NEDD4: variants seen among roughly 807,000 people sequenced by gnomAD.
NEDD4 encodes the protein NEDD4 E3 ubiquitin protein ligase.
A neutral mutation model predicts 144.9 loss-of-function variants in NEDD4; 99 were observed. That is an observed-to-expected ratio of 0.68 (90% CI 0.58 to 0.81). The LOEUF is 0.81. NEDD4 is among the 30% of genes least tolerant of loss of function. The pLI is 0.00. For missense variants in NEDD4, 985 were observed against 1,065.9 expected (o/e 0.92, Z 1.06); for synonymous variants, 318 against 350.6 (o/e 0.91, Z 1.04).
At chr15:55,873,132 T>C (rs1350750459) in intron 6 of NEDD4, among the ~76,000 whole-genome samples, 2 of 152,188 alleles carry the variant, frequency 1.3e-5, no homozygotes, top group East Asian at 3.8e-4. Flanking sequence ...TTGGCTCTTT[T>C]CCTGTTTCCC....
At position 55,842,086 on chromosome 15, in the gene NEDD4, A is replaced by C; in HGVS notation, c.1686T>G (p.Gly562=). ...VLEDSYRRIM[G]VKRADFLKAR... The stretch of plus-strand genomic sequence containing the variant: ...CCTTCAGGAAGTCTGCTCTCTTGAC[A>C]CCCATAATTCTCCGGTAAGAGTCTT... Residue 562 remains glycine (G), a synonymous_variant, in exon 19 of 29, where the codon GGT becomes GGG. Coordinates refer to ENST00000435532, the MANE Select transcript of NEDD4 (RefSeq NM_006154.4). The C allele has an allele frequency of 1.2e-6, 2 of 1,614,168 alleles. No individual in the cohort carries two copies. Among genetic ancestry groups the C allele is most frequent in the Non-Finnish European group, 8.5e-7 (1 of 1,180,032 alleles).
chr15:55,986,089 T>C (rs2037885898), intron 1 of NEDD4, among the ~76,000 whole-genome samples: 1 of 152,164 alleles, frequency 6.6e-6, no homozygotes, highest in Non-Finnish European at 1.5e-5. Flanking sequence ...CAGTAACTGA[T>C]TACAACCTGC....
At chr15:55,972,762 A>G (rs1166991276) in intron 1 of NEDD4, among the ~76,000 whole-genome samples, 1 of 152,248 alleles carries the variant, frequency 6.6e-6, no homozygotes, top group African/African-American at 2.4e-5. Context: ...TCACCTATAA[A>G]GACACACATA....
chr15:55,862,744 CG>C (rs2034452168), intron 9 of NEDD4, among the ~76,000 whole-genome samples, 168 bp downstream of exon 9: 1 of 151,986 alleles, frequency 6.6e-6, no homozygotes, highest in African/African-American at 2.4e-5. Flanking sequence ...ATTTAAAAAA[CG>C]AAACAGCAGA....
chr15:55,884,530 A>G (rs1169713303), intron 5 of NEDD4, among the ~76,000 whole-genome samples: 1 of 152,170 alleles, frequency 6.6e-6, no homozygotes, highest in Non-Finnish European at 1.5e-5. Context: ...TGTTTTGAGG[A>G]AACTCAATGA....
intron 4 of NEDD4, among the ~76,000 whole-genome samples, chr15:55,944,504 C>G (rs1170580352): frequency 6.6e-6 from 1 of 152,210 alleles, no homozygotes; most frequent in African/African-American, 2.4e-5. Flanking sequence ...CTAGGCAGAG[C>G]CCACCTCAGC....
At chr15:55,968,164 C>G (rs888054850) in intron 1 of NEDD4, among the ~76,000 whole-genome samples, 4 of 151,862 alleles carry the variant, frequency 2.6e-5, no homozygotes, top group Admixed American at 1.3e-4. Flanking sequence ...TTTCATGGAT[C>G]TTTACAAATA....
At chr15:55,969,528 G>A (rs541010334) in intron 1 of NEDD4, among the ~76,000 whole-genome samples, 1 of 152,106 alleles carries the variant, frequency 6.6e-6, no homozygotes, top group Non-Finnish European at 1.5e-5. Context: ...CAGGAGGAGA[G>A]GTAAGAGTAG....
rs1156646836 is a variant in NEDD4, at chr15:55,850,689, T to C, written c.1200A>G (p.Gln400=). The C allele has an allele frequency of 6.2e-6, 10 of 1,614,090 alleles. No homozygotes were observed. Among genetic ancestry groups the C allele is most frequent in the Middle Eastern group, 1.7e-4 (1 of 5,996 alleles). ...LTSSQSSAGP[Q]SQASTSDSGQ... is the part of the protein sequence containing the mutation. ...CTGAATCACTGGTGGAGGCTTGTGA[T>C]TGAGGGCCTGCAGAACTCTGGCTTG... The change falls in exon 14 of 29, where the codon CAA becomes CAG. Residue 400 remains glutamine (Q), a synonymous_variant. Transcript: ENST00000435532.
intron 5 of NEDD4, chr15:55,916,142 ACTT>A: frequency 6.2e-7 from 1 of 1,613,912 alleles, no homozygotes; most frequent in South Asian, 1.1e-5. Context: ...CTGTACTTGT[ACTT>A]CTTGAAAAAA....
intron 11 of NEDD4, among the ~76,000 whole-genome samples, chr15:55,856,551 C>G (rs1205116661): frequency 6.6e-6 from 1 of 151,872 alleles, no homozygotes; most frequent in African/African-American, 2.4e-5. Flanking sequence ...CAGCAATATC[C>G]TAAGAGGTTT....
intron 4 of NEDD4, among the ~76,000 whole-genome samples, chr15:55,941,254 C>T (rs1250077395): frequency 6.6e-6 from 1 of 151,720 alleles, no homozygotes; most frequent in Non-Finnish European, 1.5e-5. Flanking sequence ...TATTTCCTTC[C>T]TTCTTTTTCT....
chr15:55,902,605 T>C (rs2035946286), intron 5 of NEDD4, among the ~76,000 whole-genome samples: 1 of 152,218 alleles, frequency 6.6e-6, no homozygotes, highest in South Asian at 2.1e-4. Flanking sequence ...ATATTCTTTC[T>C]ACTTTTGTGT....
chr15:55,950,700 T>C (rs761892691), intron 4 of NEDD4, among the ~76,000 whole-genome samples: 4 of 152,140 alleles, frequency 2.6e-5, no homozygotes, highest in South Asian at 2.1e-4. Context: ...AACTCTCCCA[T>C]GAATGTTCCT....
chr15:55,930,918 A>C (rs1235857139), intron 4 of NEDD4, among the ~76,000 whole-genome samples: 1 of 152,200 alleles, frequency 6.6e-6, no homozygotes, highest in Non-Finnish European at 1.5e-5. Context: ...TAAATTATCC[A>C]GTCTTGGGTA....
chr15:55,829,678 C>G lies in NEDD4; in HGVS notation c.*219G>C. Reference sequence around the variant, plus strand: ...CCTGGCTTTAGGCAGGCACCTAACTCTAAAGACAGCATGAAACAACTGTGT... The same window carrying G: ...CCTGGCTTTAGGCAGGCACCTAACTGTAAAGACAGCATGAAACAACTGTGT... On this transcript the variant is annotated 3_prime_UTR_variant, in exon 29 of 29. Transcript: ENST00000435532. 2.3e-6 allele frequency: 1 copy of G among 433,542 alleles called. No individual in the cohort carries two copies. The allele number at this position is 433,542 out of a possible 1,614,324, so 26.9% of individuals were successfully genotyped here.
intron 5 of NEDD4, among the ~76,000 whole-genome samples, chr15:55,923,840 A>T (rs72734313): frequency 0.13 from 20,335 of 151,268 alleles, 1,476 homozygotes; most frequent in East Asian, 0.32. Context: ...CTTTTTTTTA[A>T]AAAAAAAGCT....
At chr15:55,915,606 T>G (rs550750549) in intron 5 of NEDD4, 2 of 1,613,914 alleles carry the variant, frequency 1.2e-6, no homozygotes, top group Admixed American at 1.7e-5. Context: ...ATACTCTGAA[T>G]CAGAATTAAG....
intron 5 of NEDD4, among the ~76,000 whole-genome samples, chr15:55,888,192 A>G (rs2035454023): frequency 6.6e-6 from 1 of 152,198 alleles, no homozygotes; most frequent in South Asian, 2.1e-4. Context: ...AAGAAGTCAC[A>G]TTATCCTTGT....
Sources: allele counts gnomAD v4.1 joint callset (sites outside exome capture counted in the v4.1 genomes callset), GRCh38; gene constraint gnomAD v4.1.1; transcripts MANE v1.5; gene names NCBI Gene and HGNC (gene_info 2026-07-23, HGNC 2026-07-21).